The following CYFIP2 variants were observed in gnomAD, a reference collection of about 807,000 sequenced individuals.
CYFIP2 encodes the protein cytoplasmic FMR1 interacting protein 2.
A neutral mutation model predicts 158.7 loss-of-function variants in CYFIP2; 29 were observed. The observed-to-expected ratio is 0.18, with a 90% CI of 0.14 to 0.25. CYFIP2 has a LOEUF of 0.25. CYFIP2 is among the 10% of genes least tolerant of loss of function. CYFIP2 has a pLI of 1.00. For synonymous variants in CYFIP2, 585 were observed against 617.6 expected (o/e 0.95, Z 0.78); for missense variants, 852 against 1,639.5 (o/e 0.52, Z 8.29).
At chr5:157,271,890 G>A (rs1381218815) in intron 1 of CYFIP2, among the ~76,000 whole-genome samples, 1 of 152,286 alleles carries the variant, frequency 6.6e-6, no homozygotes, top group Non-Finnish European at 1.5e-5. Flanking sequence ...AGGTGCATCT[G>A]AGAGGCAGCT....
At chr5:157,309,338 G>A (rs1169098700) in intron 9 of CYFIP2, among the ~76,000 whole-genome samples, 3 of 152,308 alleles carry the variant, frequency 2.0e-5, no homozygotes, top group South Asian at 2.1e-4. Context: ...ACTTTCTCAG[G>A]AAGACCAACA....
intron 11 of CYFIP2, among the ~76,000 whole-genome samples, chr5:157,313,617 A>G (rs1350210148): frequency 6.6e-6 from 1 of 152,246 alleles, no homozygotes; most frequent in African/African-American, 2.4e-5. Flanking sequence ...AGAAATCACC[A>G]TGAGTGTTGA....
rs1018479846 is a variant in CYFIP2, at chr5:157,361,324, T to C, written c.2909-144T>C. The C allele has an allele frequency of 1.4e-5, 14 of 990,062 alleles. No individual in the cohort carries two copies. Among genetic ancestry groups the C allele is most frequent in the Non-Finnish European group, 1.9e-5 (13 of 674,064 alleles). 61.3% of individuals were successfully genotyped at this position (990,062 alleles called of 1,614,324 possible). ...TACTGAGCCCTGAAAGAAATCTCAC[T>C]CTGGGCCTGCAGGTAAGAGGGATGC... is the stretch of plus-strand genomic sequence containing the variant. On this transcript the variant is annotated intron_variant, in intron 25 of 30. Coordinates refer to ENST00000620254, the MANE Select transcript of CYFIP2 (RefSeq NM_001037333.3). The surrounding 1 kb of genome is among the most constrained non-coding windows in gnomAD (Gnocchi z 4.4).
At chr5:157,375,191 T>C (rs1316090708) in intron 26 of CYFIP2, among the ~76,000 whole-genome samples, 3 of 152,364 alleles carry the variant, frequency 2.0e-5, no homozygotes, top group African/African-American at 7.2e-5. Context: ...GTAGGCCCAA[T>C]GGCCACTCAG....
intron 1 of CYFIP2, among the ~76,000 whole-genome samples, chr5:157,267,840 G>A (rs909426285): frequency 1.9e-4 from 29 of 152,226 alleles, no homozygotes; most frequent in African/African-American, 6.8e-4. Context: ...GTTCTTTTGG[G>A]AACGGGTCCC....
chr5:157,394,183 G>T lies in CYFIP2; in HGVS notation c.*1183G>T, dbSNP rs1767568709. Reference sequence around the variant, plus strand: ...TTCGGGTGTGGCTTCTCTCCCAGGGGTAACATTTACTTCCATTTTCTAGAC... The same window carrying T: ...TTCGGGTGTGGCTTCTCTCCCAGGGTTAACATTTACTTCCATTTTCTAGAC... On this transcript the variant is annotated 3_prime_UTR_variant, in exon 31 of 31. Transcript: ENST00000620254. 1 of 152,066 alleles carries T rather than the reference G, an allele frequency of 6.6e-6. No homozygotes were observed. The allele number at this position is 152,066 out of a possible 1,614,324, so 9.4% of individuals were successfully genotyped here. A position where few individuals can be genotyped will look rare whatever the true frequency, so the allele number is the denominator to read the frequency against.
chr5:157,302,365 C>T (rs1455835907), intron 6 of CYFIP2, among the ~76,000 whole-genome samples: 23 of 152,156 alleles, frequency 1.5e-4, no homozygotes, highest in Admixed American at 1.4e-3. Flanking sequence ...TGAAGTTTTC[C>T]TGTAAATAAC....
rs1757077351 is a variant in CYFIP2, at chr5:157,282,655, GAAGT to G, written c.-23-2683_-23-2680del. Among the ~76,000 whole-genome samples, 3 of 152,186 alleles carry G rather than the reference GAAGT, an allele frequency of 2.0e-5. 1 individual carries two copies. The highest frequency in any genetic ancestry group is 7.2e-5 in the African/African-American group (3 of 41,436). ...CTGGTCAAATGGTAAAATGCTTATG[GAAGT>G]TTGTTAGATATTGCCAGATTTCCTC... On this transcript the variant is annotated intron_variant, in intron 1 of 30. Transcript: ENST00000620254.
rs992270432 is a variant in CYFIP2, at chr5:157,311,457, A to G, written c.993-207A>G. On this transcript the variant is annotated intron_variant, in intron 10 of 30. Coordinates refer to ENST00000620254, the MANE Select transcript of CYFIP2 (RefSeq NM_001037333.3). The surrounding 1 kb of genome is among the most constrained non-coding windows in gnomAD (Gnocchi z 4.7). ...TTGGATCCTAGATGAGGCTGGCACC[A>G]AAGAGGAGGAGGAAGGACTGTTCCA... The G allele has an allele frequency of 3.3e-5, 19 of 579,518 alleles. No individual in the cohort carries two copies. Among genetic ancestry groups the G allele is most frequent in the Non-Finnish European group, 5.6e-5 (18 of 322,740 alleles). The allele number at this position is 579,518 out of a possible 1,614,324, so 35.9% of individuals were successfully genotyped here. A position where few individuals can be genotyped will look rare whatever the true frequency, so the allele number is the denominator to read the frequency against.
rs548894442 is a variant in CYFIP2, at chr5:157,389,135, G to A, written c.3208-54G>A. 544 of 1,503,620 alleles carry A rather than the reference G, an allele frequency of 3.6e-4. 3 individuals are homozygous for A. In the African/African-American group the frequency reaches 6.4e-3, roughly 18 times the overall value. The allele number at this position is 1,503,620 out of a possible 1,614,324, so 93.1% of individuals were successfully genotyped here. On this transcript the variant is annotated intron_variant, in intron 28 of 30. Coordinates refer to ENST00000620254, the MANE Select transcript of CYFIP2 (RefSeq NM_001037333.3). ...AGTTCGGGAATCTGTGGTGGGAGGT[G>A]GCAGATGGGCTCTAAGATGTGGATA... is the stretch of plus-strand genomic sequence containing the variant.
Position 157,338,952 on chromosome 5 carries a change from G to T in CYFIP2, c.2386-105G>T, listed in dbSNP as rs1581094247. The T allele has an allele frequency of 2.5e-6, 3 of 1,176,836 alleles. No homozygotes were observed. In the East Asian group the frequency reaches 7.8e-5, roughly 31 times the overall value. The allele number at this position is 1,176,836 out of a possible 1,614,324, so 72.9% of individuals were successfully genotyped here. A position where few individuals can be genotyped will look rare whatever the true frequency, so the allele number is the denominator to read the frequency against. On this transcript the variant is annotated intron_variant, in intron 21 of 30. Coordinates refer to ENST00000620254, the MANE Select transcript of CYFIP2 (RefSeq NM_001037333.3). ...TTCCCATGTAGATGGCCAGGAGGTT[G>T]TCTGAGCAGCTGTCACTTGCGTGAA...
chr5:157,308,368 A>G (rs1352223796), intron 9 of CYFIP2, among the ~76,000 whole-genome samples: 1 of 152,156 alleles, frequency 6.6e-6, no homozygotes, highest in Non-Finnish European at 1.5e-5. Flanking sequence ...CTCTGGATAG[A>G]ATGCCTCAGC....
intron 8 of CYFIP2, among the ~76,000 whole-genome samples, chr5:157,307,037 C>G (rs1759287800): frequency 6.6e-6 from 1 of 152,162 alleles, no homozygotes; most frequent in Admixed American, 6.5e-5. Context: ...AGGCCCCCTT[C>G]TGCATACATG....
At chr5:157,281,192 A>C (rs1756961969) in intron 1 of CYFIP2, among the ~76,000 whole-genome samples, 1 of 152,120 alleles carries the variant, frequency 6.6e-6, no homozygotes, top group African/African-American at 2.4e-5. Flanking sequence ...TCAAAGGCTT[A>C]ATTAGATTCA....
intron 19 of CYFIP2, among the ~76,000 whole-genome samples, chr5:157,328,371 G>C (rs536866888): frequency 6.6e-6 from 1 of 152,382 alleles, no homozygotes; most frequent in African/African-American, 2.4e-5. Flanking sequence ...CGGGGAACTA[G>C]AAAGGCCATC....
intron 7 of CYFIP2, 80 bp downstream of exon 7, chr5:157,302,970 G>A: frequency 9.1e-7 from 1 of 1,101,808 alleles, no homozygotes; most frequent in Non-Finnish European, 1.3e-6. Flanking sequence ...TGGACCACGA[G>A]CCCAAGCAGA....
intron 30 of CYFIP2, 109 bp downstream of exon 30, chr5:157,390,777 C>G: frequency 6.6e-7 from 1 of 1,504,072 alleles, no homozygotes; most frequent in Non-Finnish European, 9.0e-7. Context: ...GCTCCCCACA[C>G]GGCAAGTACA....
At chr5:157,302,726 C>T (rs968977012) in intron 6 of CYFIP2, 68 bp from the exon 7 acceptor site, 10 of 1,302,808 alleles carry the variant, frequency 7.7e-6, no homozygotes, top group East Asian at 7.6e-5. Flanking sequence ...CATGCGAGCC[C>T]GTGAGGCATG....
intron 28 of CYFIP2, among the ~76,000 whole-genome samples, chr5:157,387,927 A>C (rs1766859695): frequency 6.6e-6 from 1 of 152,202 alleles, no homozygotes; most frequent in Non-Finnish European, 1.5e-5. Flanking sequence ...AGACTCCTGC[A>C]TTGGTGTCTC....
Sources: allele counts gnomAD v4.1 joint callset (sites outside exome capture counted in the v4.1 genomes callset), GRCh38; gene constraint gnomAD v4.1.1; non-coding constraint Gnocchi (gnomAD v3.1); transcripts MANE v1.5; gene names NCBI Gene and HGNC (gene_info 2026-07-23, HGNC 2026-07-21).